Variants in PRKCH observed in about 807,000 individuals in gnomAD.
The protein encoded by PRKCH is protein kinase C eta, also known as protein kinase C eta type.
In PRKCH, 28 loss-of-function variants were observed where a neutral mutation model predicts 82.5. That is an observed-to-expected ratio of 0.34 (90% CI 0.25 to 0.47). PRKCH has a LOEUF of 0.47. Ranked by LOEUF, PRKCH falls within the 20% of genes least tolerant of loss-of-function variation. The probability of loss-of-function intolerance (pLI) is 1.00; values close to 1 mark genes in which losing one functional copy is unlikely to be tolerated. For synonymous variants in PRKCH, 322 were observed against 327.4 expected (o/e 0.98, Z 0.18); for missense variants, 705 against 881.8 (o/e 0.80, Z 2.54).
chr14:61,267,432 G>T (rs2045113329), intron 1 of PRKCH, among the ~76,000 whole-genome samples: 1 of 152,144 alleles, frequency 6.6e-6, no homozygotes, highest in Non-Finnish European at 1.5e-5. Context: ...TTCCAGTGAG[G>T]TATATTACAT....
At chr14:61,344,816 G>T (rs562440217) in intron 1 of PRKCH, among the ~76,000 whole-genome samples, 1 of 152,234 alleles carries the variant, frequency 6.6e-6, no homozygotes, top group South Asian at 2.1e-4. Flanking sequence ...GATCCAGATT[G>T]CTAGCCCCTT....
intron 1 of PRKCH, among the ~76,000 whole-genome samples, chr14:61,342,052 G>C (rs954605725): frequency 2.6e-5 from 4 of 152,042 alleles, no homozygotes; most frequent in African/African-American, 9.7e-5. Context: ...GTTGAGACTT[G>C]CATGGGGCTG....
intron 1 of PRKCH, among the ~76,000 whole-genome samples, chr14:61,273,999 C>G (rs2045180672): frequency 1.3e-5 from 2 of 152,026 alleles, no homozygotes; most frequent in African/African-American, 4.8e-5. Context: ...GGACTAGCAG[C>G]CTGAATATGG....
chr14:61,457,884 G>A (rs1884851894), intron 9 of PRKCH, among the ~76,000 whole-genome samples: 1 of 152,222 alleles, frequency 6.6e-6, no homozygotes, highest in Admixed American at 6.5e-5. Context: ...CCCTTGTGCT[G>A]TCCTGGGGAA....
chr14:61,460,709 C>T (rs986579205), intron 9 of PRKCH, among the ~76,000 whole-genome samples: 5 of 152,130 alleles, frequency 3.3e-5, no homozygotes, highest in Non-Finnish European at 7.3e-5. Flanking sequence ...TGCTGGGCTG[C>T]GTCTCTAAAT....
chr14:61,450,706 G>T (rs1884466657), intron 5 of PRKCH, 136 bp from the exon 6 acceptor site: 1 of 1,014,060 alleles, frequency 9.9e-7, no homozygotes, highest in Admixed American at 2.9e-5. Flanking sequence ...ATTAATCAGG[G>T]CTGAGTACAG....
intron 1 of PRKCH, among the ~76,000 whole-genome samples, chr14:61,342,340 G>A (rs1279049383): frequency 1.3e-5 from 2 of 152,182 alleles, no homozygotes; most frequent in Non-Finnish European, 2.9e-5. Flanking sequence ...CCTGGCTGCA[G>A]AAAAGGCTTG....
intron 1 of PRKCH, among the ~76,000 whole-genome samples, chr14:61,188,190 G>T (rs1254654427): frequency 6.6e-6 from 1 of 152,214 alleles, no homozygotes; most frequent in Non-Finnish European, 1.5e-5. Flanking sequence ...TGCCCCCGGG[G>T]CACCCATAAC....
chr14:61,549,669 C>CTT lies in PRKCH; in HGVS notation c.1906-7_1906-6dup, dbSNP rs141727640. 177 of 1,359,588 alleles carry CTT rather than the reference C, an allele frequency of 1.3e-4. No individual in the cohort carries two copies. The highest frequency in any genetic ancestry group is 6.8e-4 in the Admixed American group (35 of 51,562). 84.2% of individuals were successfully genotyped at this position (1,359,588 alleles called of 1,614,324 possible). A position where few individuals can be genotyped will look rare whatever the true frequency, so the allele number is the denominator to read the frequency against. Reference sequence around the variant, plus strand: ...GCGCAAAAATCTCACCCTTGTTTCCCTTTTTTTTTTGGCAGAAATCCCGAG... The same window carrying CTT: ...GCGCAAAAATCTCACCCTTGTTTCCCTTTTTTTTTTTTGGCAGAAATCCCGAG... On this transcript the variant is annotated splice_polypyrimidine_tract_variant and intron_variant, in intron 13 of 13. Transcript: ENST00000332981.
intron 1 of PRKCH, among the ~76,000 whole-genome samples, chr14:61,351,322 G>T (rs2046070935): frequency 1.3e-5 from 2 of 152,178 alleles, no homozygotes; most frequent in Non-Finnish European, 1.5e-5. Flanking sequence ...GGCGCTTCCA[G>T]CTAAGGTCCT....
At chr14:61,281,784 C>A (rs1315125735) in intron 1 of PRKCH, 1 of 159,474 alleles carries the variant, frequency 6.3e-6, no homozygotes. Context: ...CGCTTTCGCC[C>A]AGCTTTCAGT....
rs866838759 is a variant in PRKCH, at chr14:61,428,112, C to T, written c.428-14999C>T. Among the ~76,000 whole-genome samples the T allele has an allele frequency of 2.5e-3, 363 of 145,586 alleles. 1 individual carries two copies. The Middle Eastern group carries it at 0.031, about 13-fold the overall frequency. On this transcript the variant is annotated intron_variant, in intron 2 of 13. Transcript: ENST00000332981. ...ACACACACACATATATATATACACA[C>T]ATATATATATATATATATATGTATC...
At chr14:61,286,072 T>C (rs2045311399) in intron 1 of PRKCH, among the ~76,000 whole-genome samples, 1 of 152,242 alleles carries the variant, frequency 6.6e-6, no homozygotes, top group South Asian at 2.1e-4. Context: ...CTGGCTGTTC[T>C]CAGTTTTTGC....
At chr14:61,261,490 G>T (rs2045043224) in intron 1 of PRKCH, among the ~76,000 whole-genome samples, 1 of 152,122 alleles carries the variant, frequency 6.6e-6, no homozygotes, top group Non-Finnish European at 1.5e-5. Context: ...GAGCAGAAAG[G>T]GACATCCACC....
rs569139794 is a variant in PRKCH at position 61,342,718 on chromosome 14, A to G, written c.363+20254A>G. 3.9e-5 allele frequency among the ~76,000 whole-genome samples: 6 copies of G among 152,230 alleles called. No homozygotes were observed. The South Asian group carries it at 1.0e-3, about 26-fold the overall frequency. On this transcript the variant is annotated intron_variant, in intron 1 of 13. Coordinates refer to ENST00000332981, the MANE Select transcript of PRKCH (RefSeq NM_006255.5). ...TCAGCCCTCACTGAAAATGCAACAG[A>G]TCTTAACATCTCTTGCTGCAAATTT...
At chr14:61,503,470 C>A (rs1301839106) in intron 10 of PRKCH, among the ~76,000 whole-genome samples, 1 of 152,114 alleles carries the variant, frequency 6.6e-6, no homozygotes, top group Admixed American at 6.5e-5. Context: ...AAATACTAAG[C>A]CACGCTCAAC....
chr14:61,453,225 G>A lies in PRKCH; in HGVS notation c.833-1G>A. The A allele has an allele frequency of 6.2e-7, 1 of 1,614,112 alleles. No individual in the cohort carries two copies. The highest frequency in any genetic ancestry group is 1.1e-5 in the South Asian group (1 of 91,080). On this transcript the variant is annotated splice_acceptor_variant, in intron 6 of 13. Coordinates refer to ENST00000332981, the MANE Select transcript of PRKCH (RefSeq NM_006255.5). LOFTEE classifies it high-confidence loss of function. ...GGATTCTGTTTTCCTTTTCCCTCTAGTATGTAAAATGAATGTGCATATTCG... is the reference window on the plus strand; with the variant it reads ...GGATTCTGTTTTCCTTTTCCCTCTAATATGTAAAATGAATGTGCATATTCG...
chr14:61,453,520 TTCTTTCTTTC>T (rs1244968726), intron 7 of PRKCH, among the ~76,000 whole-genome samples, 167 bp downstream of exon 7: 1 of 151,680 alleles, frequency 6.6e-6, no homozygotes, highest in Non-Finnish European at 1.5e-5. Context: ...CTTTTTTCTT[TTCTTTCTTTC>T]TCTTTCTTTC....
chr14:61,469,680 A>G (rs1260441072), intron 9 of PRKCH, among the ~76,000 whole-genome samples: 1 of 152,218 alleles, frequency 6.6e-6, no homozygotes, highest in Non-Finnish European at 1.5e-5. Flanking sequence ...GGTTTTCCTT[A>G]ATTACTTAAT....
Sources: allele counts gnomAD v4.1 joint callset (sites outside exome capture counted in the v4.1 genomes callset), GRCh38; gene constraint gnomAD v4.1.1; transcripts MANE v1.5; gene names NCBI Gene and HGNC (gene_info 2026-07-23, HGNC 2026-07-21).